Variants in EPHB3 observed in about 807,000 individuals in gnomAD.
The protein encoded by EPHB3 is EPH receptor B3, also known as ephrin type-B receptor 3.
A neutral mutation model predicts 100.2 loss-of-function variants in EPHB3; 33 were observed. The observed-to-expected ratio is 0.33, with a 90% CI of 0.25 to 0.44. The LOEUF (loss-of-function observed/expected upper bound fraction) is 0.44. Among genes scored for constraint, EPHB3 ranks in the 20% least tolerant of loss-of-function variants. The pLI, the probability that EPHB3 is intolerant of heterozygous loss-of-function variation, is 1.00. For missense variants in EPHB3, 1,045 were observed against 1,378.3 expected, an observed-to-expected ratio of 0.76 and a Z score of 3.83; for synonymous variants, 526 against 554.7, an observed-to-expected ratio of 0.95 and a Z score of 0.73.
intron 11 of EPHB3, 145 bp from the exon 12 acceptor site, chr3:184,580,257 G>T: frequency 1.0e-6 from 1 of 1,004,064 alleles, no homozygotes; most frequent in South Asian, 1.5e-5. Context: ...CACATAGTAG[G>T]GCAGCTCACT....
rs1714303628 is a variant in EPHB3, at chr3:184,563,208, C to T, written c.118+855C>T. Among the ~76,000 whole-genome samples the T allele has an allele frequency of 6.6e-6, 1 of 152,194 alleles. No individual in the cohort carries two copies. The highest frequency in any genetic ancestry group is 1.5e-5 in the Non-Finnish European group (1 of 68,038). On this transcript the variant is annotated intron_variant, in intron 1 of 15. Transcript: ENST00000330394. This position sits in a 1 kb window ranked among gnomAD's most constrained non-coding sequence, Gnocchi z 4.1. ...TCACACGCATGCCACTTGACACAAG[C>T]TTGCCGCGGACAGAGGCCCCAACAC...
At position 184,562,315 on chromosome 3, in the gene EPHB3, CGCT is replaced by C. The variant is rs759318725; in HGVS notation, c.92_94del (p.Leu31del). 6.8e-5 allele frequency: 85 copies of C among 1,249,104 alleles called. No individual in the cohort carries two copies. Among genetic ancestry groups the C allele is most frequent in the South Asian group, 4.9e-4 (16 of 32,904 alleles). The allele number at this position is 1,249,104 out of a possible 1,614,324, so 77.4% of individuals were successfully genotyped here. On this transcript the variant is annotated inframe_deletion, in exon 1 of 16. Coordinates refer to ENST00000330394, the MANE Select transcript of EPHB3 (RefSeq NM_004443.4). This position sits in a 1 kb window ranked among gnomAD's most constrained non-coding sequence, Gnocchi z 4.8. ...CTGCTCCCTCCGCTGCTGCTGCTGC[CGCT>C]GCTGCTGCTGCCCGCCGGCTGCCGG...
chr3:184,577,909 C>T lies in EPHB3; in HGVS notation c.1651C>T (p.Gln551Ter). The T allele has an allele frequency of 6.2e-7, 1 of 1,613,832 alleles. No individual in the cohort carries two copies. Among genetic ancestry groups the T allele is most frequent in the Non-Finnish European group, 8.5e-7 (1 of 1,179,868 alleles). The change falls in exon 8 of 16, where the codon CAG (glutamine) becomes TAG (stop). Residue 551 changes from glutamine to a stop codon, truncating the protein, a stop_gained. Coordinates refer to ENST00000330394, the MANE Select transcript of EPHB3 (RefSeq NM_004443.4). LOFTEE classifies it high-confidence loss of function. This position sits in a 1 kb window ranked among gnomAD's most constrained non-coding sequence, Gnocchi z 4.9. ...TTCTCTATCTCCAGGCTCTGGGGCC[C>T]AGCAGCTCCAGGAGCAGCTTCCCCT... Reference protein sequence around the residue: ...ETTSERGSGAQQLQEQLPLIV... With the variant: ...ETTSERGSGA
intron 1 of EPHB3, among the ~76,000 whole-genome samples, chr3:184,567,685 C>A (rs1714421229): frequency 6.6e-6 from 1 of 152,224 alleles, no homozygotes; most frequent in Admixed American, 6.5e-5. Context: ...GTCGCCAAGT[C>A]TATACAGGGA....
At chr3:184,575,391 A>G (rs1012260355) in intron 3 of EPHB3, among the ~76,000 whole-genome samples, 1 of 152,084 alleles carries the variant, frequency 6.6e-6, no homozygotes, top group Non-Finnish European at 1.5e-5. Context: ...TGGCTGTTCT[A>G]GGGTGTCCTT....
In EPHB3 at chr3:184,580,441, A is replaced by G; in HGVS notation, c.2212A>G (p.Met738Val). ...GQFTVIQLVG[M>V]LRGIAAGMKY... ...GTTCACGGTCATCCAGCTGGTGGGC[A>G]TGTTGCGGGGCATTGCTGCCGGCAT... Residue 738 changes from methionine to valine, a missense_variant, in exon 12 of 16, where the codon ATG becomes GTG. Around this residue, in one of 2 missense-constraint regions of EPHB3, gnomAD observed 985 missense variants for 1,331.1 expected, o/e 0.74. Transcript: ENST00000330394. 1.2e-6 allele frequency: 2 copies of G among 1,614,196 alleles called. No individual in the cohort carries two copies. Among genetic ancestry groups the G allele is most frequent in the Non-Finnish European group, 1.7e-6 (2 of 1,180,010 alleles).
intron 3 of EPHB3, among the ~76,000 whole-genome samples, chr3:184,574,514 T>A (rs1335512757): frequency 2.6e-5 from 4 of 152,220 alleles, no homozygotes; most frequent in Non-Finnish European, 5.9e-5. Flanking sequence ...GCCCTGTCTT[T>A]CGCTCCCTCT....
At chr3:184,580,925 G>A (rs2108440326) in intron 13 of EPHB3, 47 bp downstream of exon 13, 1 of 1,607,774 alleles carries the variant, frequency 6.2e-7, no homozygotes, top group East Asian at 2.2e-5. Flanking sequence ...GTGCTGGCTG[G>A]GGATCATGGC....
chr3:184,573,019 G>A lies in EPHB3; in HGVS notation c.699G>A (p.Ser233=), dbSNP rs769299714. The change falls in exon 3 of 16, where the codon TCG becomes TCA. Residue 233 remains serine, a synonymous_variant. Transcript: ENST00000330394. The surrounding 1 kb of genome is among the most constrained non-coding windows in gnomAD (Gnocchi z 4.5). ...PETLTGAEPT[S]LVIAPGTCIP... is the part of the protein sequence containing the mutation. ...CCCTCACTGGGGCGGAGCCCACCTC[G>A]CTGGTCATTGCTCCTGGCACCTGCA... The A allele has an allele frequency of 5.6e-6, 9 of 1,612,676 alleles. No individual in the cohort carries two copies. Among genetic ancestry groups the A allele is most frequent in the East Asian group, 2.2e-5 (1 of 44,884 alleles).
intron 4 of EPHB3, among the ~76,000 whole-genome samples, 157 bp from the exon 5 acceptor site, chr3:184,576,685 G>C (rs1714684663): frequency 6.6e-6 from 1 of 152,126 alleles, no homozygotes; most frequent in South Asian, 2.1e-4. Flanking sequence ...ATAAATAGGA[G>C]TCTGCCTGGT....
rs970179241 is a variant in EPHB3 at position 184,578,675 on chromosome 3, C to T, written c.1801+209C>T. Among the ~76,000 whole-genome samples the T allele has an allele frequency of 2.0e-5, 3 of 152,138 alleles. No individual in the cohort carries two copies. The highest frequency in any genetic ancestry group is 1.9e-4 in the East Asian group (1 of 5,186). On this transcript the variant is annotated intron_variant, in intron 9 of 15. Transcript: ENST00000330394. This position sits in a 1 kb window ranked among gnomAD's most constrained non-coding sequence, Gnocchi z 4.7. ...CTGCTAGCCCCAGAAATGACTGAGA[C>T]GTGACCTCTCCCCCTAAAGGCAGTT...
At chr3:184,574,898 G>T (rs1714635486) in intron 3 of EPHB3, among the ~76,000 whole-genome samples, 1 of 152,232 alleles carries the variant, frequency 6.6e-6, no homozygotes, top group South Asian at 2.1e-4. Flanking sequence ...CGTGAGGGCA[G>T]ATGAAACCCC....
rs1294127003 is a variant in EPHB3 at position 184,573,377 on chromosome 3, A to G, written c.856+201A>G. ...GAGAAGAGAGAGAAAATGAGGAGAGACACAAGGATAGTAAGAGAAAAAATG... is the reference window on the plus strand; with the variant it reads ...GAGAAGAGAGAGAAAATGAGGAGAGGCACAAGGATAGTAAGAGAAAAAATG... On this transcript the variant is annotated intron_variant, in intron 3 of 15. Coordinates refer to ENST00000330394, the MANE Select transcript of EPHB3 (RefSeq NM_004443.4). The surrounding 1 kb of genome is among the most constrained non-coding windows in gnomAD (Gnocchi z 4.5). 6.6e-6 allele frequency among the ~76,000 whole-genome samples: 1 copy of G among 152,088 alleles called. No homozygotes were observed. Among genetic ancestry groups the G allele is most frequent in the Non-Finnish European group, 1.5e-5 (1 of 68,028 alleles).
In EPHB3 at chr3:184,573,467, TC is replaced by T. The variant is rs1037436821; in HGVS notation, c.856+292del. Among the ~76,000 whole-genome samples, 1 of 152,164 alleles carries T rather than the reference TC, an allele frequency of 6.6e-6. No individual in the cohort carries two copies. Among genetic ancestry groups the T allele is most frequent in the African/African-American group, 2.4e-5 (1 of 41,442 alleles). ...GCAAGCAGGCACCTGGAGAACGCAGTCAGAAGCTTAGGAGGCTGGCAGAGAT... is the reference window on the plus strand; with the variant it reads ...GCAAGCAGGCACCTGGAGAACGCAGTAGAAGCTTAGGAGGCTGGCAGAGAT... On this transcript the variant is annotated intron_variant, in intron 3 of 15. Transcript: ENST00000330394. The surrounding 1 kb of genome is among the most constrained non-coding windows in gnomAD (Gnocchi z 4.5).
rs1416983826 is a variant in EPHB3, at chr3:184,578,511, G to A, written c.1801+45G>A. On this transcript the variant is annotated intron_variant, in intron 9 of 15. Coordinates refer to ENST00000330394, the MANE Select transcript of EPHB3 (RefSeq NM_004443.4). This position sits in a 1 kb window ranked among gnomAD's most constrained non-coding sequence, Gnocchi z 4.7. Reference sequence around the variant, plus strand: ...CCTCCCCAAGCTCTCCCAGCCCCCTGCAGGGCTCTCAGACACCCTTCTCCC... The same window carrying A: ...CCTCCCCAAGCTCTCCCAGCCCCCTACAGGGCTCTCAGACACCCTTCTCCC... 1.2e-6 allele frequency: 2 copies of A among 1,612,254 alleles called. No homozygotes were observed. The highest frequency in any genetic ancestry group is 2.7e-5 in the African/African-American group (2 of 74,876).
rs112247281 is a variant in EPHB3 at position 184,572,938 on chromosome 3, C to T, written c.618C>T (p.Arg206=). Reference sequence around the variant, plus strand: ...CCTGCATGTCGCTCATCTCCGTGCGCGCCTTCTACAAGAAGTGTGCATCCA... The same window carrying T: ...CCTGCATGTCGCTCATCTCCGTGCGTGCCTTCTACAAGAAGTGTGCATCCA... ...QGACMSLISV[R]AFYKKCASTT... is the part of the protein sequence containing the mutation. Residue 206 remains arginine, a synonymous_variant, in exon 3 of 16, where the codon CGC becomes CGT. Transcript: ENST00000330394. This position sits in a 1 kb window ranked among gnomAD's most constrained non-coding sequence, Gnocchi z 6.6. 8.0e-3 allele frequency: 12,596 copies of T among 1,576,132 alleles called. 108 individuals are homozygous for T. The highest frequency in any genetic ancestry group is 0.012 in the South Asian group (1,001 of 84,684).
rs1714561409 is a variant in EPHB3 at position 184,572,338 on chromosome 3, C to T, written c.184-166C>T. On this transcript the variant is annotated intron_variant, in intron 2 of 15. Transcript: ENST00000330394. The surrounding 1 kb of genome is among the most constrained non-coding windows in gnomAD (Gnocchi z 6.6). ...GGCGGTTAAGTGACTTACCCATAAT[C>T]ACACAGCAGGCAGAGAGCTGGAATT... Among the ~76,000 whole-genome samples, 2 of 152,212 alleles carry T rather than the reference C, an allele frequency of 1.3e-5. No individual in the cohort carries two copies. The highest frequency in any genetic ancestry group is 2.9e-5 in the Non-Finnish European group (2 of 68,044).
chr3:184,573,632 A>G lies in EPHB3; in HGVS notation c.856+456A>G, dbSNP rs929704342. Among the ~76,000 whole-genome samples the G allele has an allele frequency of 2.0e-5, 3 of 151,836 alleles. No homozygotes were observed. The highest frequency in any genetic ancestry group is 7.3e-5 in the African/African-American group (3 of 41,264). ...CTCTGCCCCTTGGGAGGCAGTATAT[A>G]AATGGCACAGTGGTTAGGGGCCCAG... On this transcript the variant is annotated intron_variant, in intron 3 of 15. Transcript: ENST00000330394. The surrounding 1 kb of genome is among the most constrained non-coding windows in gnomAD (Gnocchi z 4.5).
In EPHB3 at chr3:184,581,928, T is replaced by C. The variant is rs1714833735; in HGVS notation, c.*306T>C. 1.0e-5 allele frequency: 3 copies of C among 286,826 alleles called. No individual in the cohort carries two copies. Among genetic ancestry groups the C allele is most frequent in the South Asian group, 1.7e-4 (2 of 11,550 alleles). 17.8% of individuals were successfully genotyped at this position (286,826 alleles called of 1,614,324 possible). On this transcript the variant is annotated 3_prime_UTR_variant, in exon 16 of 16. Coordinates refer to ENST00000330394, the MANE Select transcript of EPHB3 (RefSeq NM_004443.4). Reference sequence around the variant, plus strand: ...AACCTCACACTTGTCTGTTCTTCAGTGCTGGAGGTCCTGGCAGGGTCAGGC... The same window carrying C: ...AACCTCACACTTGTCTGTTCTTCAGCGCTGGAGGTCCTGGCAGGGTCAGGC...
Sources: gnomAD v4.1 joint callset for allele counts (sites outside exome capture counted in the v4.1 genomes callset) on GRCh38, gnomAD v4.1.1 for gene constraint, gnomAD v4.1.1 regional missense constraint, Gnocchi (gnomAD v3.1) non-coding constraint, MANE v1.5 for transcripts, NCBI Gene and HGNC (gene_info 2026-07-23, HGNC 2026-07-21) for gene names.